Variants in DNPEP observed in about 807,000 individuals in gnomAD.
DNPEP encodes the protein aspartyl aminopeptidase.
DNPEP carries 46 observed loss-of-function variants against 59.1 expected under a neutral mutation model. That is an observed-to-expected ratio of 0.78 (90% confidence interval 0.61 to 0.99). The LOEUF is 0.99. Among genes scored for constraint, DNPEP ranks in the 50% least tolerant of loss-of-function variants. The pLI is 0.00. For synonymous variants in DNPEP, 229 were observed against 242.2 expected (o/e 0.95, Z 0.50); for missense variants, 617 against 649.9 (o/e 0.95, Z 0.55).
Position 219,386,982 on chromosome 2 carries a change from T to C in DNPEP, c.131-2A>G. ...GGCGGTTGCGGCATTCAGCCACAGC[T>C]GTGGGAAAAGCACCCTCTCACAGCG... On this transcript the variant is annotated splice_acceptor_variant, in intron 2 of 14. Transcript: ENST00000273075. LOFTEE classifies it high-confidence loss of function. The C allele has an allele frequency of 6.2e-7, 1 of 1,613,646 alleles. No homozygotes were observed.
intron 4 of DNPEP, 108 bp downstream of exon 4, chr2:219,386,557 C>A: frequency 1.4e-6 from 2 of 1,438,408 alleles, no homozygotes; most frequent in South Asian, 1.3e-5. Flanking sequence ...AGTTTACCTT[C>A]TCCCTTACTC....
In DNPEP at chr2:219,372,663, G is replaced by C. The variant is rs1953227443; in HGVS notation, c.*1629C>G. 6.6e-6 allele frequency among the ~76,000 whole-genome samples: 1 copy of C among 152,238 alleles called. No individual in the cohort carries two copies. The highest frequency in any genetic ancestry group is 1.9e-4 in the East Asian group (1 of 5,182). On this transcript the variant is annotated 3_prime_UTR_variant, in exon 15 of 15. Transcript: ENST00000273075. ...ATTACAGGCATAAGCCACCGTGCCT[G>C]GCCATATAATGTTTTGAAGGTACTC...
chr2:219,378,210 T>G (rs1953450006), intron 13 of DNPEP, among the ~76,000 whole-genome samples: 1 of 152,222 alleles, frequency 6.6e-6, no homozygotes, highest in Non-Finnish European at 1.5e-5. Context: ...TGCCTTAGAA[T>G]AAAATTGAAA....
chr2:219,386,120 C>A, intron 5 of DNPEP, 22 bp from the exon 6 acceptor site: 1 of 1,613,588 alleles, frequency 6.2e-7, no homozygotes, highest in South Asian at 1.1e-5. Context: ...CAGGCCAGGT[C>A]AGCCCAGGGT....
upstream of DNPEP, among the ~76,000 whole-genome samples, chr2:219,391,888 G>C (rs1451707622): frequency 6.7e-6 from 1 of 149,880 alleles, no homozygotes; most frequent in African/African-American, 2.5e-5. Flanking sequence ...AAAAAAAAAG[G>C]TCAGTCTTTA....
chr2:219,386,257 G>T (rs1953825582), intron 5 of DNPEP, 29 bp downstream of exon 5: 3 of 1,613,756 alleles, frequency 1.9e-6, no homozygotes, highest in East Asian at 2.2e-5. Context: ...TTCTGAGGAG[G>T]CTCCGCCATC....
rs1270366954 is a variant in DNPEP at position 219,372,836 on chromosome 2, T to C, written c.*1456A>G. Among the ~76,000 whole-genome samples the C allele has an allele frequency of 6.6e-6, 1 of 152,216 alleles. No individual in the cohort carries two copies. The highest frequency in any genetic ancestry group is 1.5e-5 in the Non-Finnish European group (1 of 68,042). On this transcript the variant is annotated 3_prime_UTR_variant, in exon 15 of 15. Transcript: ENST00000273075. ...TTCATAGTGTATTTGGGCTTGCCTTTACTGAGAAATCTTTAGATGAATTCT... is the reference window on the plus strand; with the variant it reads ...TTCATAGTGTATTTGGGCTTGCCTTCACTGAGAAATCTTTAGATGAATTCT...
chr2:219,381,713 T>C, intron 11 of DNPEP, 129 bp from the exon 12 acceptor site: 11 of 1,127,448 alleles, frequency 9.8e-6, no homozygotes, highest in Non-Finnish European at 1.3e-5. Flanking sequence ...GACTTCAGAG[T>C]CATTCCACAC....
rs747977218 is a variant in DNPEP, at chr2:219,386,871, C to A, written c.219+21G>T. 5.6e-6 allele frequency: 9 copies of A among 1,595,702 alleles called. No individual in the cohort carries two copies. The Admixed American group carries it at 1.0e-4, about 18-fold the overall frequency. ...ACCAGCCTAGGGACCTGCCTTTCCA[C>A]CCCCACCCCACCCCCAGTACCTTGC... On this transcript the variant is annotated intron_variant, in intron 3 of 14. Coordinates refer to ENST00000273075, the MANE Select transcript of DNPEP (RefSeq NM_012100.4).
At chr2:219,398,378 G>A (rs528172131) in intron 1 of DNPEP, among the ~76,000 whole-genome samples, 2 of 152,202 alleles carry the variant, frequency 1.3e-5, no homozygotes, top group Admixed American at 6.5e-5. Flanking sequence ...GGCCGGGCGC[G>A]TTGGCTCACG....
At position 219,387,878 on chromosome 2, in the gene DNPEP, G is replaced by C. The variant is rs1289628938; in HGVS notation, c.-84C>G. On this transcript the variant is annotated 5_prime_UTR_variant, in exon 1 of 15. Coordinates refer to ENST00000273075, the MANE Select transcript of DNPEP (RefSeq NM_012100.4). ...TGCAGGTCCCCCGCGTGCCCCTTCA[G>C]GCCGCGCCGCACTCGTAGGCCTTCA... 4.8e-6 allele frequency: 7 copies of C among 1,444,406 alleles called. No individual in the cohort carries two copies. The highest frequency in any genetic ancestry group is 6.4e-6 in the Non-Finnish European group (7 of 1,102,348). 89.5% of individuals were successfully genotyped at this position (1,444,406 alleles called of 1,614,324 possible).
intron 13 of DNPEP, among the ~76,000 whole-genome samples, chr2:219,375,844 C>T (rs777438301): frequency 7.2e-5 from 11 of 152,104 alleles, no homozygotes; most frequent in Non-Finnish European, 1.3e-4. Context: ...CCTGAGCTAC[C>T]ACACCTGGCT....
intron 10 of DNPEP, among the ~76,000 whole-genome samples, chr2:219,382,431 T>C (rs1383642683): frequency 2.0e-5 from 3 of 152,142 alleles, no homozygotes; most frequent in African/African-American, 7.2e-5. Context: ...TCAATTTTCT[T>C]TTATGTGTAT....
Position 219,386,883 on chromosome 2 carries a change from C to A in DNPEP, c.219+9G>T, listed in dbSNP as rs1953866219. Reference sequence around the variant, plus strand: ...ACCTGCCTTTCCACCCCCACCCCACCCCCAGTACCTTGCTCTCGGGCTTAA... The same window carrying A: ...ACCTGCCTTTCCACCCCCACCCCACACCCAGTACCTTGCTCTCGGGCTTAA... On this transcript the variant is annotated intron_variant, in intron 3 of 14. Transcript: ENST00000273075. 6.2e-7 allele frequency: 1 copy of A among 1,612,828 alleles called. No homozygotes were observed. Among genetic ancestry groups the A allele is most frequent in the Admixed American group, 1.7e-5 (1 of 59,984 alleles).
Position 219,395,260 on chromosome 2 carries a change from A to G in DNPEP, c.-158+4680T>C, listed in dbSNP as rs145322932. 3.5e-3 allele frequency among the ~76,000 whole-genome samples: 540 copies of G among 152,268 alleles called. 6 individuals carry two copies. Among genetic ancestry groups the G allele is most frequent in the African/African-American group, 0.012 (504 of 41,562 alleles). On this transcript the variant is annotated intron_variant, in intron 1 of 6. Coordinates refer to the DNPEP transcript ENST00000434339. Reference sequence around the variant, plus strand: ...ACTGGGCCCGGCCGACGTGGGGTCTATTGAGGAGAACTTACATACAAGATG... The same window carrying G: ...ACTGGGCCCGGCCGACGTGGGGTCTGTTGAGGAGAACTTACATACAAGATG...
intron 13 of DNPEP, among the ~76,000 whole-genome samples, chr2:219,380,837 A>T (rs940880758): frequency 7.2e-6 from 1 of 139,838 alleles, no homozygotes; most frequent in Non-Finnish European, 1.5e-5. Context: ...TACAACATAT[A>T]TATGTACACA....
chr2:219,390,062 C>A (rs1953991090), upstream of DNPEP, among the ~76,000 whole-genome samples: 1 of 151,952 alleles, frequency 6.6e-6, no homozygotes, highest in Admixed American at 6.5e-5. Flanking sequence ...ATTCAAACAT[C>A]ACCAAAATGC....
At chr2:219,381,828 C>T in intron 11 of DNPEP, 151 bp downstream of exon 11, 1 of 994,028 alleles carries the variant, frequency 1.0e-6, no homozygotes, top group Non-Finnish European at 1.5e-6. Flanking sequence ...CCAAGTTGGT[C>T]TCGCAGTAGT....
rs561406506 is a variant in DNPEP at position 219,383,295 on chromosome 2, C to T, written c.853-81G>A. 1,129 of 1,203,146 alleles carry T rather than the reference C, an allele frequency of 9.4e-4. 4 individuals carry two copies. Among genetic ancestry groups the T allele is most frequent in the Non-Finnish European group, 1.0e-3 (838 of 815,568 alleles). 74.5% of individuals were successfully genotyped at this position (1,203,146 alleles called of 1,614,324 possible). A position where few individuals can be genotyped will look rare whatever the true frequency, so the allele number is the denominator to read the frequency against. ...AGCCCACCAGCACCTTGGGTGTGCACGCTCCCCCATCCACCAGCACCTTGG... is the reference window on the plus strand; with the variant it reads ...AGCCCACCAGCACCTTGGGTGTGCATGCTCCCCCATCCACCAGCACCTTGG... On this transcript the variant is annotated intron_variant, in intron 9 of 14. Transcript: ENST00000273075.
Sources: gnomAD v4.1 joint callset for allele counts (sites outside exome capture counted in the v4.1 genomes callset) on GRCh38, gnomAD v4.1.1 for gene constraint, MANE v1.5 for transcripts, NCBI Gene and HGNC (gene_info 2026-07-23, HGNC 2026-07-21) for gene names.